TMEM132D: variants seen among roughly 807,000 people sequenced by gnomAD.
TMEM132D encodes mature OL transmembrane protein.
TMEM132D carries 21 observed loss-of-function variants against 62.3 expected under a neutral mutation model. The ratio of observed to expected loss-of-function variants is 0.34; its 90% confidence interval spans 0.24 to 0.49. The LOEUF (loss-of-function observed/expected upper bound fraction) is 0.49. Ranked by LOEUF, TMEM132D falls within the 20% of genes least tolerant of loss-of-function variation. TMEM132D has a pLI of 0.99. For synonymous variants in TMEM132D, 621 were observed against 575.6 expected, an observed-to-expected ratio of 1.08 and a Z score of -1.13; for missense variants, 1,346 against 1,402.8, an observed-to-expected ratio of 0.96 and a Z score of 0.65.
intron 2 of TMEM132D, among the ~76,000 whole-genome samples, chr12:129,646,454 T>TAAGATA (rs1750399864): frequency 6.6e-6 from 1 of 152,142 alleles, no homozygotes; most frequent in South Asian, 2.1e-4. Flanking sequence ...TTAGGGTATC[T>TAAGATA]CCCACATAGG....
chr12:129,264,808 C>A lies in TMEM132D; in HGVS notation c.1300-55145G>T, dbSNP rs546953127. ...GAGACTATTATTCTAAGTGAAGTAACTCAGGAATGAAAAACCAAACATTGT... is the reference window on the plus strand; with the variant it reads ...GAGACTATTATTCTAAGTGAAGTAAATCAGGAATGAAAAACCAAACATTGT... On this transcript the variant is annotated intron_variant, in intron 4 of 8. Transcript: ENST00000422113. 2.5e-4 allele frequency among the ~76,000 whole-genome samples: 38 copies of A among 152,254 alleles called. 1 individual carries two copies. The South Asian group carries it at 7.9e-3, about 32-fold the overall frequency.
intron 2 of TMEM132D, among the ~76,000 whole-genome samples, chr12:129,583,891 T>C (rs780874121): frequency 1.1e-3 from 165 of 152,228 alleles, no homozygotes; most frequent in Non-Finnish European, 2.1e-3. Flanking sequence ...AAAAGGTAGT[T>C]TGTCAACCTC....
chr12:129,760,489 T>C (rs1277675434), intron 1 of TMEM132D, among the ~76,000 whole-genome samples: 2 of 151,832 alleles, frequency 1.3e-5, no homozygotes, highest in East Asian at 3.9e-4. Flanking sequence ...CCGCCTCCAC[T>C]ACAGGCGCCC....
At chr12:129,671,170 G>T (rs1880491124) in intron 2 of TMEM132D, among the ~76,000 whole-genome samples, 1 of 152,092 alleles carries the variant, frequency 6.6e-6, no homozygotes, top group South Asian at 2.1e-4. Context: ...AAATGGAAAA[G>T]TAAAAAATTT....
chr12:129,618,672 G>A (rs953784095), intron 2 of TMEM132D, among the ~76,000 whole-genome samples: 2 of 152,172 alleles, frequency 1.3e-5, no homozygotes, highest in African/African-American at 4.8e-5. Context: ...TATTTAAAAT[G>A]CACATCTATG....
intron 3 of TMEM132D, among the ~76,000 whole-genome samples, chr12:129,449,573 A>T (rs542613297): frequency 1.3e-5 from 2 of 152,172 alleles, no homozygotes; most frequent in Non-Finnish European, 2.9e-5. Flanking sequence ...GTCTCTGCAC[A>T]TGAGTGTTTA....
chr12:129,822,704 G>C (rs769730437), intron 1 of TMEM132D, among the ~76,000 whole-genome samples: 2 of 152,162 alleles, frequency 1.3e-5, no homozygotes. Flanking sequence ...CTCACAGGGC[G>C]GCAGGAGACA....
At chr12:129,301,548 G>A (rs1321232665) in intron 4 of TMEM132D, among the ~76,000 whole-genome samples, 2 of 152,036 alleles carry the variant, frequency 1.3e-5, no homozygotes, top group Non-Finnish European at 2.9e-5. Context: ...TCCAAATTGG[G>A]AACTCACACA....
At chr12:129,713,357 G>A (rs960137456) in intron 1 of TMEM132D, among the ~76,000 whole-genome samples, 24 of 151,456 alleles carry the variant, frequency 1.6e-4, no homozygotes, top group African/African-American at 5.6e-4. Context: ...GAATGTTTTT[G>A]TTGCTTAAAT....
intron 2 of TMEM132D, among the ~76,000 whole-genome samples, chr12:129,671,795 T>C (rs1336456952): frequency 1.3e-5 from 2 of 152,134 alleles, no homozygotes; most frequent in African/African-American, 4.8e-5. Context: ...TTAGGAGATA[T>C]TGTCCTTGAT....
At chr12:129,656,987 G>A (rs1371530877) in intron 2 of TMEM132D, among the ~76,000 whole-genome samples, 2 of 152,072 alleles carry the variant, frequency 1.3e-5, no homozygotes, top group Non-Finnish European at 2.9e-5. Context: ...TTGAAGGGTG[G>A]ATTTGTAAAT....
intron 3 of TMEM132D, among the ~76,000 whole-genome samples, chr12:129,497,873 C>CT (rs1875008274): frequency 6.6e-6 from 1 of 152,070 alleles, no homozygotes; most frequent in Non-Finnish European, 1.5e-5. Flanking sequence ...GTTGCCCAGG[C>CT]TGGTCTTGGA....
Position 129,319,078 on chromosome 12 carries a change from G to A in TMEM132D, c.1299+18556C>T, listed in dbSNP as rs147820153. On this transcript the variant is annotated intron_variant, in intron 4 of 8. Transcript: ENST00000422113. ...GAAAAAAAGGTCTTGGTTCTTCCCC[G>A]CCTGTGAAGTCTGCAAGCCCTCTCC... Among the ~76,000 whole-genome samples the A allele has an allele frequency of 3.0e-3, 462 of 152,256 alleles. 3 individuals are homozygous for A. The highest frequency in any genetic ancestry group is 0.011 in the African/African-American group (437 of 41,542).
intron 1 of TMEM132D, among the ~76,000 whole-genome samples, chr12:129,767,221 G>A (rs1443795574): frequency 1.3e-5 from 2 of 152,190 alleles, no homozygotes; most frequent in South Asian, 4.1e-4. Flanking sequence ...TGCTTTGGCT[G>A]TTTCTTTGGG....
intron 2 of TMEM132D, among the ~76,000 whole-genome samples, chr12:129,553,627 A>T (rs191391360): frequency 6.6e-6 from 1 of 152,336 alleles, no homozygotes; most frequent in Admixed American, 6.5e-5. Context: ...TCAAGCTCCC[A>T]ACATGACAGC....
At chr12:129,358,648 T>C (rs892963439) in intron 3 of TMEM132D, among the ~76,000 whole-genome samples, 1 of 152,134 alleles carries the variant, frequency 6.6e-6, no homozygotes, top group South Asian at 2.1e-4. Context: ...AATTGGCAAC[T>C]GTAAGAAAAG....
At chr12:129,665,996 A>C (rs1314333973) in intron 2 of TMEM132D, among the ~76,000 whole-genome samples, 2 of 152,190 alleles carry the variant, frequency 1.3e-5, no homozygotes, top group African/African-American at 4.8e-5. Flanking sequence ...TAATTTTCTT[A>C]AACTGAAACC....
At chr12:129,642,884 G>C (rs1388351955) in intron 2 of TMEM132D, among the ~76,000 whole-genome samples, 2 of 146,844 alleles carry the variant, frequency 1.4e-5, no homozygotes, top group African/African-American at 2.5e-5. Flanking sequence ...CAACAATGGA[G>C]AATTTCTCCA....
chr12:129,642,958 CTT>C (rs1879678239), intron 2 of TMEM132D, among the ~76,000 whole-genome samples: 1 of 133,092 alleles, frequency 7.5e-6, no homozygotes, highest in Non-Finnish European at 1.6e-5. Context: ...GAGTTTCACT[CTT>C]GTCACCAAGG....
Sources: allele counts gnomAD v4.1 joint callset (sites outside exome capture counted in the v4.1 genomes callset), GRCh38; gene constraint gnomAD v4.1.1; transcripts MANE v1.5; gene names NCBI Gene and HGNC (gene_info 2026-07-23, HGNC 2026-07-21).